The following SEMA3C variants were observed in gnomAD, a reference collection of about 807,000 sequenced individuals.
SEMA3C encodes the protein semaphorin 3C.
A neutral mutation model predicts 89.4 loss-of-function variants in SEMA3C; 47 were observed. The observed-to-expected ratio is 0.53, with a 90% CI of 0.42 to 0.67. The LOEUF is 0.67. Ranked by LOEUF, SEMA3C falls within the 30% of genes least tolerant of loss-of-function variation. The pLI, the probability that SEMA3C is intolerant of heterozygous loss-of-function variation, is 0.00. For missense variants in SEMA3C, 839 were observed against 929.1 expected (o/e 0.90, Z 1.26); for synonymous variants, 310 against 320.2 (o/e 0.97, Z 0.34).
intron 2 of SEMA3C, among the ~76,000 whole-genome samples, chr7:80,874,403 C>T (rs1791147511): frequency 6.6e-6 from 1 of 152,000 alleles, no homozygotes; most frequent in South Asian, 2.1e-4. Context: ...AGCAAGGGTA[C>T]GACCTTTTCT....
rs1789935576 is a variant in SEMA3C at position 80,828,587 on chromosome 7, T to G, written c.262A>C (p.Ser88Arg). Reference protein sequence around the residue: ...NINNISQEALSVFWPASTIKV... With the variant: ...NINNISQEALRVFWPASTIKV... ...CCTCGTGAAAGTGATAAACTTACAC[T>G]CAAAGCTTCTTGACTTATATTGTTA... is the stretch of plus-strand genomic sequence containing the variant. The change falls in exon 3 of 18, where the codon AGT (serine) becomes CGT (arginine). Residue 88 changes from serine to arginine, a missense_variant and splice_region_variant. Transcript: ENST00000265361. 3 of 1,605,156 alleles carry G rather than the reference T, an allele frequency of 1.9e-6. No individual in the cohort carries two copies. Among genetic ancestry groups the G allele is most frequent in the Non-Finnish European group, 1.7e-6 (2 of 1,174,742 alleles).
chr7:80,866,764 T>G (rs1022218914), intron 2 of SEMA3C, among the ~76,000 whole-genome samples: 4 of 152,204 alleles, frequency 2.6e-5, no homozygotes, highest in African/African-American at 9.6e-5. Flanking sequence ...TTAAAATATA[T>G]AGAACATTTC....
chr7:80,799,389 C>T (rs112580536), intron 10 of SEMA3C, among the ~76,000 whole-genome samples: 330 of 151,872 alleles, frequency 2.2e-3, no homozygotes, highest in African/African-American at 7.7e-3. Context: ...CAGCTTAACT[C>T]TAAGGAATAT....
chr7:80,913,688 C>T (rs1400101760), intron 2 of SEMA3C, among the ~76,000 whole-genome samples: 1 of 152,154 alleles, frequency 6.6e-6, no homozygotes, highest in East Asian at 1.9e-4. Context: ...CAGGTCTCAA[C>T]ATAGAAGATT....
intron 12 of SEMA3C, among the ~76,000 whole-genome samples, chr7:80,778,773 C>G (rs1308933003): frequency 2.0e-5 from 3 of 152,180 alleles, no homozygotes; most frequent in Admixed American, 1.3e-4. Context: ...CCAGGGCACT[C>G]AGCTATAACA....
intron 2 of SEMA3C, among the ~76,000 whole-genome samples, chr7:80,911,657 A>G (rs535456658): frequency 1.4e-5 from 2 of 147,684 alleles, no homozygotes; most frequent in South Asian, 4.2e-4. Context: ...TCTCTTGCTC[A>G]GGCTGGAGTA....
At chr7:80,790,369 GA>G (rs1308784312) in intron 11 of SEMA3C, among the ~76,000 whole-genome samples, 3 of 151,162 alleles carry the variant, frequency 2.0e-5, no homozygotes, top group African/African-American at 7.4e-5. Context: ...GAGAAGAAGA[GA>G]AGAAGAAGAA....
At chr7:80,804,997 A>C (rs962847225) in intron 7 of SEMA3C, among the ~76,000 whole-genome samples, 11 of 152,060 alleles carry the variant, frequency 7.2e-5, no homozygotes, top group African/African-American at 2.7e-4. Context: ...TAATTGCTCT[A>C]AACAACAGCA....
chr7:80,888,700 A>G (rs1791541292), intron 2 of SEMA3C, among the ~76,000 whole-genome samples: 1 of 152,158 alleles, frequency 6.6e-6, no homozygotes, highest in South Asian at 2.1e-4. Context: ...AGATTTTTAT[A>G]CCAAGATTTT....
At chr7:80,797,498 T>C (rs1789091962) in intron 11 of SEMA3C, among the ~76,000 whole-genome samples, 1 of 152,202 alleles carries the variant, frequency 6.6e-6, no homozygotes, top group African/African-American at 2.4e-5. Context: ...CTGCCTATAG[T>C]TAAATAGTTC....
At chr7:80,872,444 A>AG (rs1791083809) in intron 2 of SEMA3C, among the ~76,000 whole-genome samples, 2 of 152,030 alleles carry the variant, frequency 1.3e-5, no homozygotes, top group African/African-American at 4.8e-5. Context: ...TAATCCCAAG[A>AG]GGGGGGTGAG....
intron 2 of SEMA3C, among the ~76,000 whole-genome samples, chr7:80,910,478 G>A (rs1221068770): frequency 6.6e-6 from 1 of 152,054 alleles, no homozygotes; most frequent in Non-Finnish European, 1.5e-5. Flanking sequence ...CCTTCCATGT[G>A]CCCTTCTTGC....
At chr7:80,764,918 T>C (rs949227070) in intron 13 of SEMA3C, among the ~76,000 whole-genome samples, 7 of 152,198 alleles carry the variant, frequency 4.6e-5, no homozygotes, top group African/African-American at 1.7e-4. Context: ...GTTGTGATGA[T>C]AGCTTAAAAA....
At chr7:80,783,452 T>C (rs1788734104) in intron 12 of SEMA3C, among the ~76,000 whole-genome samples, 1 of 152,184 alleles carries the variant, frequency 6.6e-6, no homozygotes. Context: ...CATTCTGCTT[T>C]GGAAAGCAGT....
chr7:80,842,664 A>C (rs1031666529), intron 2 of SEMA3C, among the ~76,000 whole-genome samples: 1 of 152,142 alleles, frequency 6.6e-6, no homozygotes, highest in African/African-American at 2.4e-5. Flanking sequence ...AGACATTTTC[A>C]TTCCTGAATC....
chr7:80,863,883 A>T (rs1790851378), intron 2 of SEMA3C, among the ~76,000 whole-genome samples: 2 of 147,298 alleles, frequency 1.4e-5, no homozygotes, highest in Admixed American at 6.8e-5. Context: ...TATGTATCAC[A>T]TATATATCAC....
intron 15 of SEMA3C, among the ~76,000 whole-genome samples, chr7:80,754,439 A>G (rs1228439671): frequency 6.6e-6 from 1 of 152,312 alleles, no homozygotes; most frequent in East Asian, 1.9e-4. Context: ...TGGCATCAGC[A>G]CAAAACTAGG....
At chr7:80,875,758 A>AT (rs1312632953) in intron 2 of SEMA3C, among the ~76,000 whole-genome samples, 2 of 151,914 alleles carry the variant, frequency 1.3e-5, no homozygotes, top group African/African-American at 4.8e-5. Flanking sequence ...ACTTTACTTA[A>AT]TAATGGCCCC....
chr7:80,854,659 T>A (rs1236656931), intron 2 of SEMA3C, among the ~76,000 whole-genome samples: 1 of 152,198 alleles, frequency 6.6e-6, no homozygotes, highest in Non-Finnish European at 1.5e-5. Flanking sequence ...ATCCATTATA[T>A]TAATGAGCGG....
Sources: gnomAD v4.1 joint callset for allele counts (sites outside exome capture counted in the v4.1 genomes callset) on GRCh38, gnomAD v4.1.1 for gene constraint, MANE v1.5 for transcripts, NCBI Gene and HGNC (gene_info 2026-07-23, HGNC 2026-07-21) for gene names.